Variants in DNAH2 observed in about 807,000 individuals in gnomAD.
DNAH2 encodes the protein axonemal beta dynein heavy chain 2.
A neutral mutation model predicts 523.5 loss-of-function variants in DNAH2; 323 were observed. The observed-to-expected ratio is 0.62, with a 90% CI of 0.56 to 0.68. DNAH2 has a LOEUF of 0.68. Ranked by LOEUF, DNAH2 falls within the 30% of genes least tolerant of loss-of-function variation. The pLI is 0.00. For missense variants in DNAH2, 4,907 were observed against 5,701.5 expected (o/e 0.86, Z 4.49); for synonymous variants, 2,093 against 2,177.4 (o/e 0.96, Z 1.08).
At chr17:7,771,211 C>G (rs1185211136) in intron 27 of DNAH2, 119 bp from the exon 28 acceptor site, 1 of 1,451,854 alleles carries the variant, frequency 6.9e-7, no homozygotes, top group Non-Finnish European at 9.4e-7. Context: ...GCATCTTGGC[C>G]TTTGACTTCT....
intron 68 of DNAH2, 77 bp from the exon 69 acceptor site, chr17:7,818,235 C>T: frequency 6.3e-7 from 1 of 1,599,114 alleles, no homozygotes; most frequent in Non-Finnish European, 8.5e-7. Flanking sequence ...AGTCGCTGCC[C>T]CTGGATGCCG....
chr17:7,788,938 G>C (rs1222442527), intron 44 of DNAH2, among the ~76,000 whole-genome samples: 1 of 152,220 alleles, frequency 6.6e-6, no homozygotes, highest in African/African-American at 2.4e-5. Context: ...GCCGAGGTGG[G>C]TGGATCACCT....
rs117995885 is a variant in DNAH2 at position 7,792,764 on chromosome 17, T to A, written c.7253T>A (p.Val2418Glu). The A allele has an allele frequency of 3.8e-4, 607 of 1,614,168 alleles. 1 individual carries two copies. The highest frequency in any genetic ancestry group is 4.7e-4 in the Non-Finnish European group (557 of 1,180,026). Residue 2418 changes from valine to glutamate, a missense_variant, in exon 47 of 86, where the codon GTG becomes GAG. Val to Glu is a moderately radical substitution (Grantham distance 121, BLOSUM62 -2). Transcript: ENST00000572933. ...NQNPILLVGP[V>E]GTGKTSIAQS... ...AATCCCATTCTGCTGGTGGGTCCCG[T>A]GGGGACTGGGAAGACCTCCATCGCC...
chr17:7,807,715 C>T lies in DNAH2; in HGVS notation c.9729+129C>T. 1 of 780,686 alleles carries T rather than the reference C, an allele frequency of 1.3e-6. No homozygotes were observed. Among genetic ancestry groups the T allele is most frequent in the East Asian group, 2.7e-5 (1 of 37,720 alleles). The allele number at this position is 780,686 out of a possible 1,614,324, so 48.4% of individuals were successfully genotyped here. A position where few individuals can be genotyped will look rare whatever the true frequency, so the allele number is the denominator to read the frequency against. On this transcript the variant is annotated intron_variant, in intron 63 of 85. Transcript: ENST00000572933. This position sits in a 1 kb window ranked among gnomAD's most constrained non-coding sequence, Gnocchi z 5.6. ...ATGTCCTGTGCCATTCCAGTCCTGTCTCCTTCCCACTCTGTGCCCTGTTTA... is the reference window on the plus strand; with the variant it reads ...ATGTCCTGTGCCATTCCAGTCCTGTTTCCTTCCCACTCTGTGCCCTGTTTA...
chr17:7,817,888 C>A (rs369522827), intron 67 of DNAH2, 32 bp downstream of exon 67: 263 of 1,614,028 alleles, frequency 1.6e-4, no homozygotes, highest in Non-Finnish European at 1.9e-4. Flanking sequence ...TTAGCCCCCC[C>A]CTTCCTGAGG....
intron 63 of DNAH2, among the ~76,000 whole-genome samples, chr17:7,812,478 C>G (rs1441805430): frequency 6.6e-6 from 1 of 151,790 alleles, no homozygotes; most frequent in African/African-American, 2.4e-5. Flanking sequence ...ATCAGCCAGA[C>G]ACAGTGGCGC....
At position 7,786,229 on chromosome 17, in the gene DNAH2, T is replaced by A. The variant is rs1316593008; in HGVS notation, c.6235T>A (p.Ser2079Thr). The A allele has an allele frequency of 2.5e-6, 4 of 1,614,048 alleles. No homozygotes were observed. The highest frequency in any genetic ancestry group is 2.5e-6 in the Non-Finnish European group (3 of 1,180,016). ...GTATGAAACCAAGAACTCCCGCCAC[T>A]CCACCATGATCGTGGGCTGCACGGG... Reference protein sequence around the residue: ...QLYETKNSRHSTMIVGCTGSG... With the variant: ...QLYETKNSRHTTMIVGCTGSG... Residue 2079 changes from serine (S) to threonine (T), a missense_variant, in exon 40 of 86, where the codon TCC (serine) becomes ACC (threonine). Physicochemically the swap from Ser to Thr is moderately conservative, Grantham distance 58. Around this residue, in one of 3 missense-constraint regions of DNAH2, gnomAD observed 2,806 missense variants for 3,190.8 expected, o/e 0.88. Coordinates refer to ENST00000572933, the MANE Select transcript of DNAH2 (RefSeq NM_020877.5). This position sits in a 1 kb window ranked among gnomAD's most constrained non-coding sequence, Gnocchi z 7.5.
rs951793386 is a variant in DNAH2 at position 7,821,786 on chromosome 17, G to A, written c.11142+417G>A. 1.3e-5 allele frequency among the ~76,000 whole-genome samples: 2 copies of A among 152,044 alleles called. No homozygotes were observed. Among genetic ancestry groups the A allele is most frequent in the Non-Finnish European group, 2.9e-5 (2 of 68,016 alleles). On this transcript the variant is annotated intron_variant, in intron 73 of 85. Transcript: ENST00000572933. This position sits in a 1 kb window ranked among gnomAD's most constrained non-coding sequence, Gnocchi z 5.0. ...AGCTCCTCTTCCCCTCTGTCCCTGC[G>A]CGGCCAGTGCACTGAGCATGGCCGG...
At chr17:7,766,537 G>C in intron 22 of DNAH2, 56 bp downstream of exon 22, 2 of 1,536,096 alleles carry the variant, frequency 1.3e-6, no homozygotes, top group Non-Finnish European at 8.8e-7. Context: ...AGGGACAGGA[G>C]AATGGGTCCT....
At position 7,770,912 on chromosome 17, in the gene DNAH2, G is replaced by C. The variant is rs1239772430; in HGVS notation, c.4341G>C (p.Gln1447His). Residue 1447 changes from glutamine (Q) to histidine (H), a missense_variant, in exon 27 of 86, where the codon CAG becomes CAC. Gln to His is a conservative substitution (Grantham distance 24, BLOSUM62 0). Transcript: ENST00000572933. Reference sequence around the variant, plus strand: ...TTATTGAGATGATTCTCACAGTGCAGCGTCAGTGGATGTACTTAGAGGTCA... The same window carrying C: ...TTATTGAGATGATTCTCACAGTGCACCGTCAGTGGATGTACTTAGAGGTCA... ...LEVIEMILTV[Q>H]RQWMYLENIF... 1 of 1,613,938 alleles carries C rather than the reference G, an allele frequency of 6.2e-7. No homozygotes were observed. Among genetic ancestry groups the C allele is most frequent in the South Asian group, 1.1e-5 (1 of 91,074 alleles).
rs1011559355 is a variant in DNAH2 at position 7,776,707 on chromosome 17, T to A, written c.4948-72T>A. The A allele has an allele frequency of 2.4e-6, 3 of 1,234,362 alleles. No homozygotes were observed. In the African/African-American group the frequency reaches 4.5e-5, roughly 18 times the overall value. The allele number at this position is 1,234,362 out of a possible 1,614,324, so 76.5% of individuals were successfully genotyped here. ...AGAGGCACATGGTTCTTGAATTAGC[T>A]GGGACTTGGGAGCTGGGCTGTGCGT... On this transcript the variant is annotated intron_variant, in intron 31 of 85. Transcript: ENST00000572933.
Position 7,725,623 on chromosome 17 carries a change from G to A in DNAH2, c.229-1499G>A, listed in dbSNP as rs570483640. On this transcript the variant is annotated intron_variant, in intron 3 of 85. Transcript: ENST00000572933. ...GATTTTTGTATTTTTTTTAGTAGAGGCAGGGTTTCACCATGTTGGCCAGGC... is the reference window on the plus strand; with the variant it reads ...GATTTTTGTATTTTTTTTAGTAGAGACAGGGTTTCACCATGTTGGCCAGGC... Among the ~76,000 whole-genome samples the A allele has an allele frequency of 4.8e-3, 719 of 148,860 alleles. 6 individuals carry two copies. The highest frequency in any genetic ancestry group is 0.017 in the African/African-American group (686 of 40,414).
intron 77 of DNAH2, among the ~76,000 whole-genome samples, chr17:7,830,013 C>G (rs1194054882): frequency 7.9e-6 from 1 of 125,942 alleles, no homozygotes; most frequent in Admixed American, 9.7e-5. Flanking sequence ...GCAACAACAG[C>G]GAAACTCCGT....
intron 28 of DNAH2, among the ~76,000 whole-genome samples, chr17:7,773,736 C>CT (rs962425328): frequency 3.9e-4 from 57 of 147,564 alleles, no homozygotes; most frequent in East Asian, 7.8e-4. Context: ...TGTTTTTCTT[C>CT]TTTTTTTTTT....
intron 39 of DNAH2, among the ~76,000 whole-genome samples, chr17:7,785,682 T>C (rs2076714280): frequency 6.6e-6 from 1 of 152,240 alleles, no homozygotes; most frequent in Admixed American, 6.5e-5. Context: ...ATAATGTCTT[T>C]ACTATTAAAC....
intron 12 of DNAH2, chr17:7,743,631 A>G (rs568071403): frequency 9.3e-6 from 4 of 428,598 alleles, no homozygotes; most frequent in Non-Finnish European, 1.7e-5. Flanking sequence ...ACACCACTAC[A>G]CTCCAGCCTG....
Position 7,760,898 on chromosome 17 carries a change from C to A in DNAH2, c.2944C>A (p.Pro982Thr). ...CATTCATCGCTACCAGCGCCTCAAC[C>A]CTCCTGTCTCTTCTTTTGTTGCCGA... is the stretch of plus-strand genomic sequence containing the variant. The part of the protein sequence containing the change: ...SFIHRYQRLN[P>T]PVSSFVADIA... Residue 982 changes from proline to threonine, a missense_variant, in exon 18 of 86, where the codon CCT becomes ACT. By Grantham distance (38) the Pro-to-Thr change is conservative. Coordinates refer to ENST00000572933, the MANE Select transcript of DNAH2 (RefSeq NM_020877.5). This position sits in a 1 kb window ranked among gnomAD's most constrained non-coding sequence, Gnocchi z 4.0. 6.2e-7 allele frequency: 1 copy of A among 1,614,172 alleles called. No individual in the cohort carries two copies. The highest frequency in any genetic ancestry group is 8.5e-7 in the Non-Finnish European group (1 of 1,180,028).
chr17:7,805,255 C>T lies in DNAH2; in HGVS notation c.9304C>T (p.Leu3102=). 6.2e-7 allele frequency: 1 copy of T among 1,614,208 alleles called. No individual in the cohort carries two copies. The highest frequency in any genetic ancestry group is 8.5e-7 in the Non-Finnish European group (1 of 1,180,038). The change falls in exon 61 of 86, where the codon CTG becomes TTG. Residue 3102 remains leucine, a synonymous_variant. Coordinates refer to ENST00000572933, the MANE Select transcript of DNAH2 (RefSeq NM_020877.5). ...LPALEEAMRA[L]ESLNKKDIGE... is the part of the protein sequence containing the mutation. Reference sequence around the variant, plus strand: ...ACTTTATCCCCTTTTCCCCCAGGCCCTGGAGTCTCTGAACAAGAAGGATAT... The same window carrying T: ...ACTTTATCCCCTTTTCCCCCAGGCCTTGGAGTCTCTGAACAAGAAGGATAT...
intron 12 of DNAH2, among the ~76,000 whole-genome samples, chr17:7,751,368 C>G (rs2075678101): frequency 6.6e-6 from 1 of 152,134 alleles, no homozygotes; most frequent in Non-Finnish European, 1.5e-5. Context: ...GCTGAACTTA[C>G]AGGCATGAGC....
Sources: gnomAD v4.1 joint callset for allele counts (sites outside exome capture counted in the v4.1 genomes callset) on GRCh38, gnomAD v4.1.1 for gene constraint, gnomAD v4.1.1 regional missense constraint, Gnocchi (gnomAD v3.1) non-coding constraint, MANE v1.5 for transcripts, NCBI Gene and HGNC (gene_info 2026-07-23, HGNC 2026-07-21) for gene names.